The following CHST11 variants were observed in gnomAD, a reference collection of about 807,000 sequenced individuals.
CHST11 encodes carbohydrate sulfotransferase 11, also known as C4S-1.
A neutral mutation model predicts 30.4 loss-of-function variants in CHST11; 9 were observed. That is an observed-to-expected ratio of 0.30 (90% CI 0.18 to 0.52). CHST11 has a LOEUF of 0.52. Ranked by LOEUF, CHST11 falls within the 20% of genes least tolerant of loss-of-function variation. CHST11 has a pLI of 0.97. For synonymous variants in CHST11, 152 were observed against 187.8 expected, an observed-to-expected ratio of 0.81 and a Z score of 1.56; for missense variants, 348 against 460.6, an observed-to-expected ratio of 0.76 and a Z score of 2.24.
intron 2 of CHST11, among the ~76,000 whole-genome samples, chr12:104,659,351 A>C (rs1168279802): frequency 6.6e-6 from 1 of 152,170 alleles, no homozygotes; most frequent in Non-Finnish European, 1.5e-5. Flanking sequence ...TGCTCAAGAC[A>C]TATGATCGTT....
chr12:104,487,250 G>A (rs1352726276), intron 1 of CHST11, among the ~76,000 whole-genome samples: 1 of 152,132 alleles, frequency 6.6e-6, no homozygotes, highest in Non-Finnish European at 1.5e-5. Context: ...GAAACAATAT[G>A]TTGGTTTTTC....
intron 1 of CHST11, among the ~76,000 whole-genome samples, chr12:104,496,023 C>T (rs765473463): frequency 1.3e-5 from 2 of 152,190 alleles, no homozygotes; most frequent in Non-Finnish European, 2.9e-5. Context: ...CAGACTTAAG[C>T]GAGGGCTTTA....
At chr12:104,565,976 G>A (rs2038561769) in intron 1 of CHST11, among the ~76,000 whole-genome samples, 1 of 152,182 alleles carries the variant, frequency 6.6e-6, no homozygotes, top group Non-Finnish European at 1.5e-5. Context: ...TGGTCTGTGT[G>A]GCAGCCACAT....
At chr12:104,582,711 C>G (rs187340143) in intron 1 of CHST11, among the ~76,000 whole-genome samples, 1 of 152,076 alleles carries the variant, frequency 6.6e-6, no homozygotes, top group Non-Finnish European at 1.5e-5. Context: ...GCACTTGTTT[C>G]CTCATCTGTA....
intron 1 of CHST11, among the ~76,000 whole-genome samples, chr12:104,518,147 C>T (rs536878671): frequency 3.3e-5 from 5 of 152,122 alleles, no homozygotes; most frequent in Admixed American, 6.5e-5. Flanking sequence ...ATTAGCCAGG[C>T]GCAGTGGCAC....
chr12:104,637,452 G>A (rs537201168), intron 2 of CHST11, among the ~76,000 whole-genome samples: 110 of 151,352 alleles, frequency 7.3e-4, no homozygotes, highest in Non-Finnish European at 1.0e-3. Context: ...AAACCTGCAC[G>A]TTGTGCACAT....
intron 1 of CHST11, among the ~76,000 whole-genome samples, chr12:104,574,515 A>G (rs1180898365): frequency 1.3e-5 from 2 of 152,220 alleles, no homozygotes; most frequent in African/African-American, 4.8e-5. Context: ...TACACCATGG[A>G]ATACTATGCA....
Position 104,600,302 on chromosome 12 carries a change from C to T in CHST11, c.119-1604C>T, listed in dbSNP as rs2038946471. 6.6e-6 allele frequency among the ~76,000 whole-genome samples: 1 copy of T among 152,134 alleles called. No homozygotes were observed. Among genetic ancestry groups the T allele is most frequent in the African/African-American group, 2.4e-5 (1 of 41,416 alleles). The stretch of plus-strand genomic sequence containing the variant: ...CTCAGATTGACTTCTAAGCAGAGGT[C>T]CCTGGGCTAACCCCCTGCAGCCAGC... On this transcript the variant is annotated intron_variant, in intron 1 of 2. Transcript: ENST00000303694. The surrounding 1 kb of genome is among the most constrained non-coding windows in gnomAD (Gnocchi z 4.1).
rs1314431778 is a variant in CHST11, at chr12:104,759,669, G to T, written c.*1866G>T. 1 of 152,144 alleles carries T rather than the reference G, an allele frequency of 6.6e-6. No individual in the cohort carries two copies. Among genetic ancestry groups the T allele is most frequent in the African/African-American group, 2.4e-5 (1 of 41,428 alleles). 9.4% of individuals were successfully genotyped at this position (152,144 alleles called of 1,614,324 possible). ...CACCGGGGAAATTATTTTATTTAACGTGAGTGAGATGTGGGCCGGAGAAGG... is the reference window on the plus strand; with the variant it reads ...CACCGGGGAAATTATTTTATTTAACTTGAGTGAGATGTGGGCCGGAGAAGG... On this transcript the variant is annotated 3_prime_UTR_variant, in exon 3 of 3. Coordinates refer to ENST00000303694, the MANE Select transcript of CHST11 (RefSeq NM_018413.6).
chr12:104,525,778 G>A (rs1464808871), intron 1 of CHST11, among the ~76,000 whole-genome samples: 1 of 152,178 alleles, frequency 6.6e-6, no homozygotes, highest in Non-Finnish European at 1.5e-5. Flanking sequence ...GTGGAAATAA[G>A]ATATGTGATG....
intron 1 of CHST11, among the ~76,000 whole-genome samples, chr12:104,582,370 G>C (rs535860222): frequency 6.6e-6 from 1 of 152,156 alleles, no homozygotes; most frequent in African/African-American, 2.4e-5. Flanking sequence ...TGAAATCAGC[G>C]TTGGGGTAGT....
At chr12:104,604,304 T>C (rs1024152777) in intron 2 of CHST11, among the ~76,000 whole-genome samples, 3 of 152,148 alleles carry the variant, frequency 2.0e-5, no homozygotes, top group Non-Finnish European at 2.9e-5. Context: ...CGTAGGTGGA[T>C]GAGTCACCAT....
At chr12:104,657,786 T>C (rs1017227546) in intron 2 of CHST11, among the ~76,000 whole-genome samples, 2 of 152,214 alleles carry the variant, frequency 1.3e-5, no homozygotes, top group Non-Finnish European at 2.9e-5. Flanking sequence ...ACTTGCATTC[T>C]TGAGGGTCCC....
chr12:104,677,483 A>G (rs1194930843), intron 2 of CHST11, among the ~76,000 whole-genome samples: 3 of 152,228 alleles, frequency 2.0e-5, no homozygotes, highest in Non-Finnish European at 4.4e-5. Context: ...TTGTGACAGC[A>G]TTTATATTAA....
chr12:104,675,343 G>A (rs2039731267), intron 2 of CHST11, among the ~76,000 whole-genome samples: 2 of 152,156 alleles, frequency 1.3e-5, no homozygotes, highest in Non-Finnish European at 2.9e-5. Context: ...ACACTCATGT[G>A]CCCTCTCTAC....
intron 1 of CHST11, among the ~76,000 whole-genome samples, chr12:104,594,708 G>C (rs574710506): frequency 1.3e-5 from 2 of 152,208 alleles, no homozygotes; most frequent in Non-Finnish European, 2.9e-5. Context: ...TGTAATCCCA[G>C]CACTCTGGGA....
chr12:104,686,078 A>T (rs1389860679), intron 2 of CHST11, among the ~76,000 whole-genome samples: 2 of 151,932 alleles, frequency 1.3e-5, no homozygotes, highest in East Asian at 1.9e-4. Flanking sequence ...AAACATTTTT[A>T]AAAAATTAGC....
At chr12:104,626,578 CAAAAAA>C (rs34633763) in intron 2 of CHST11, among the ~76,000 whole-genome samples, 4 of 78,160 alleles carry the variant, frequency 5.1e-5, no homozygotes, top group Non-Finnish European at 1.3e-4. Flanking sequence ...CCTCCCCACC[CAAAAAA>C]AAAAAAAAAA....
rs1342895767 is a variant in CHST11 at position 104,457,133 on chromosome 12, G to C, written c.-279G>C. 3.8e-6 allele frequency: 1 copy of C among 265,066 alleles called. No homozygotes were observed. The highest frequency in any genetic ancestry group is 2.2e-5 in the African/African-American group (1 of 45,006). The allele number at this position is 265,066 out of a possible 1,614,324, so 16.4% of individuals were successfully genotyped here. On this transcript the variant is annotated 5_prime_UTR_variant, in exon 1 of 3. Transcript: ENST00000303694. ...GACCAGGCAGCGGCGGCCGCCGGCG[G>C]GATCGGAGGAGGCGGCGGAGCGGCG...
Sources: allele counts gnomAD v4.1 joint callset (sites outside exome capture counted in the v4.1 genomes callset), GRCh38; gene constraint gnomAD v4.1.1; non-coding constraint Gnocchi (gnomAD v3.1); transcripts MANE v1.5; gene names NCBI Gene and HGNC (gene_info 2026-07-23, HGNC 2026-07-21).